The following NBAS variants were observed in gnomAD, a reference collection of about 807,000 sequenced individuals.
The protein encoded by NBAS is NAG/BC035112 fusion.
A neutral mutation model predicts 302.5 loss-of-function variants in NBAS; 219 were observed. The ratio of observed to expected loss-of-function variants is 0.72; its 90% confidence interval spans 0.65 to 0.81. The LOEUF (loss-of-function observed/expected upper bound fraction) is 0.81. Ranked by LOEUF, NBAS falls within the 30% of genes least tolerant of loss-of-function variation. The pLI is 0.00. For missense variants in NBAS, 2,932 were observed against 2,841.6 expected (o/e 1.03, Z -0.72); for synonymous variants, 1,118 against 1,021.6 (o/e 1.09, Z -1.80).
At chr2:15,396,762 T>TTATTTA (rs1675887113) in intron 26 of NBAS, among the ~76,000 whole-genome samples, 1 of 152,138 alleles carries the variant, frequency 6.6e-6, no homozygotes, top group African/African-American at 2.4e-5. Context: ...AATCGATTGT[T>TTATTTA]TATTTAAGAT....
chr2:15,483,928 C>A (rs1471391974), intron 12 of NBAS, among the ~76,000 whole-genome samples: 1 of 152,158 alleles, frequency 6.6e-6, no homozygotes, highest in African/African-American at 2.4e-5. Flanking sequence ...CGATTTGAAA[C>A]TAATCGGTTT....
chr2:15,416,103 G>C (rs950013368), intron 24 of NBAS, among the ~76,000 whole-genome samples: 15 of 151,838 alleles, frequency 9.9e-5, no homozygotes, highest in African/African-American at 3.4e-4. Context: ...GAGAGAGAGA[G>C]AGAGAGTATA....
intron 44 of NBAS, among the ~76,000 whole-genome samples, chr2:15,254,369 C>T (rs1030415803): frequency 1.1e-4 from 16 of 152,166 alleles, no homozygotes; most frequent in African/African-American, 3.1e-4. Flanking sequence ...CAGCATGGCA[C>T]GGCTGGCCTA....
At chr2:15,427,436 T>C (rs1677533507) in intron 22 of NBAS, among the ~76,000 whole-genome samples, 1 of 152,172 alleles carries the variant, frequency 6.6e-6, no homozygotes, top group East Asian at 1.9e-4. Flanking sequence ...AAAATTAATA[T>C]CACTATATGT....
chr2:15,340,752 G>C (rs977970405), intron 35 of NBAS, among the ~76,000 whole-genome samples: 1 of 152,238 alleles, frequency 6.6e-6, no homozygotes, highest in Admixed American at 6.5e-5. Flanking sequence ...AGCAAAGACA[G>C]TGAGATGCAG....
intron 44 of NBAS, among the ~76,000 whole-genome samples, chr2:15,256,667 G>C (rs1252227642): frequency 6.6e-6 from 1 of 152,056 alleles, no homozygotes; most frequent in East Asian, 1.9e-4. Flanking sequence ...ACTTTTCCCT[G>C]TTCAGTATAA....
intron 21 of NBAS, among the ~76,000 whole-genome samples, chr2:15,453,807 TCTCA>T (rs1160118075): frequency 2.8e-4 from 42 of 151,510 alleles, no homozygotes; most frequent in African/African-American, 9.9e-4. Flanking sequence ...TGAGACAGAG[TCTCA>T]CTCTGTCACC....
the NBAS span, among the ~76,000 whole-genome samples, chr2:14,990,288 G>T: frequency 6.6e-6 from 1 of 151,320 alleles, no homozygotes; most frequent in Non-Finnish European, 1.5e-5. Context: ...GCTGGGCATG[G>T]TGGTGCACGC....
Position 15,292,678 on chromosome 2 carries a change from G to A in NBAS, c.4886C>T (p.Thr1629Ile). The change falls in exon 41 of 52, where the codon ACC becomes ATC. Residue 1629 changes from threonine to isoleucine, a missense_variant. By Grantham distance (89) the Thr-to-Ile change is moderately conservative. Coordinates refer to ENST00000281513, the MANE Select transcript of NBAS (RefSeq NM_015909.4). ...TTCATTGTAGCAGTGTAACTGCTTG[G>A]TCAGTGAAATAAGGTCTTCAGGCCA... ...EAWPEDLISL[T>I]KQLHCYNERL... 2 of 1,614,198 alleles carry A rather than the reference G, an allele frequency of 1.2e-6. No individual in the cohort carries two copies. The highest frequency in any genetic ancestry group is 2.2e-5 in the East Asian group (1 of 44,884).
At chr2:15,112,605 G>T in the NBAS span, among the ~76,000 whole-genome samples, 1 of 152,026 alleles carries the variant, frequency 6.6e-6, no homozygotes, top group African/African-American at 2.4e-5. Context: ...CCATAACCAG[G>T]CATGCTTTGG....
At chr2:14,958,361 C>G in the NBAS span, among the ~76,000 whole-genome samples, 3 of 152,320 alleles carry the variant, frequency 2.0e-5, no homozygotes, top group South Asian at 2.1e-4. Flanking sequence ...TCTCTAACTT[C>G]CCCTTTGACA....
the NBAS span, among the ~76,000 whole-genome samples, chr2:15,031,396 A>T: frequency 1.2e-4 from 19 of 152,318 alleles, no homozygotes; most frequent in African/African-American, 4.6e-4. Flanking sequence ...ACTGCACTAC[A>T]TTCTTTGTGG....
the NBAS span, among the ~76,000 whole-genome samples, chr2:14,821,574 C>G: frequency 6.6e-6 from 1 of 152,140 alleles, no homozygotes; most frequent in Non-Finnish European, 1.5e-5. Flanking sequence ...AGCCCTAACT[C>G]TGGCCAGATC....
chr2:14,865,694 T>C, the NBAS span, among the ~76,000 whole-genome samples: 1 of 152,216 alleles, frequency 6.6e-6, no homozygotes, highest in Non-Finnish European at 1.5e-5. Context: ...ATCTTATAAT[T>C]ATGTACTAGA....
intron 48 of NBAS, among the ~76,000 whole-genome samples, chr2:15,192,344 A>G (rs945288586): frequency 2.6e-5 from 4 of 152,024 alleles, no homozygotes; most frequent in Admixed American, 2.6e-4. Flanking sequence ...GTGAATGGAC[A>G]TACATATGAA....
At chr2:15,240,895 A>C (rs1482332369) in intron 44 of NBAS, among the ~76,000 whole-genome samples, 4 of 152,092 alleles carry the variant, frequency 2.6e-5, no homozygotes, top group Non-Finnish European at 5.9e-5. Flanking sequence ...AGAAGTACAA[A>C]ATACTAGATC....
rs1275854660 is a variant in NBAS at position 15,417,552 on chromosome 2, T to C, written c.2738A>G (p.Glu913Gly). 1.2e-6 allele frequency: 2 copies of C among 1,613,798 alleles called. No homozygotes were observed. The highest frequency in any genetic ancestry group is 2.2e-5 in the East Asian group (1 of 44,830). ...LKELQQMKDI[E>G]KLRLLMNSCS... ...ACTATTCATCAGTAATCTTAGTTTT[T>C]CAATGTCTTTCATCTGCTGGAGTTC... Residue 913 changes from glutamate (E) to glycine (G), a missense_variant, in exon 24 of 52, where the codon GAA becomes GGA. By Grantham distance (98) the Glu-to-Gly change is moderately conservative. Coordinates refer to ENST00000281513, the MANE Select transcript of NBAS (RefSeq NM_015909.4).
the NBAS span, among the ~76,000 whole-genome samples, chr2:15,071,438 A>G: frequency 6.6e-6 from 1 of 152,130 alleles, no homozygotes; most frequent in African/African-American, 2.4e-5. Flanking sequence ...AGCCCGGCCA[A>G]TACGGTGAAA....
At chr2:14,929,365 C>T in the NBAS span, among the ~76,000 whole-genome samples, 1 of 140,774 alleles carries the variant, frequency 7.1e-6, no homozygotes, top group Non-Finnish European at 1.6e-5. Context: ...AATTTTTTTA[C>T]AGTATATTAT....
Sources: allele counts gnomAD v4.1 joint callset (sites outside exome capture counted in the v4.1 genomes callset), GRCh38; gene constraint gnomAD v4.1.1; transcripts MANE v1.5; gene names NCBI Gene and HGNC (gene_info 2026-07-23, HGNC 2026-07-21).